The following CCDC91 variants were observed in gnomAD, a reference collection of about 807,000 sequenced individuals.
The protein encoded by CCDC91 is coiled-coil domain containing 91.
A neutral mutation model predicts 63.2 loss-of-function variants in CCDC91; 48 were observed. The ratio of observed to expected loss-of-function variants is 0.76; its 90% CI spans 0.60 to 0.97. CCDC91 has a LOEUF of 0.97. Among genes scored for constraint, CCDC91 ranks in the 50% least tolerant of loss-of-function variants. CCDC91 has a pLI of 0.00. For missense variants in CCDC91, 500 were observed against 494.6 expected (o/e 1.01, Z -0.10); for synonymous variants, 167 against 165.8 (o/e 1.01, Z -0.06).
intron 6 of CCDC91, among the ~76,000 whole-genome samples, chr12:28,320,163 G>A (rs1940336451): frequency 1.3e-5 from 2 of 151,726 alleles, no homozygotes; most frequent in Non-Finnish European, 2.9e-5. Context: ...CCTTTAACAT[G>A]GTCTTTTTAG....
At chr12:28,465,071 G>T (rs1000879454) in intron 11 of CCDC91, among the ~76,000 whole-genome samples, 1 of 152,178 alleles carries the variant, frequency 6.6e-6, no homozygotes, top group Non-Finnish European at 1.5e-5. Flanking sequence ...CTGTAGGTCT[G>T]CAGTACTTCA....
rs1389072148 is a variant in CCDC91, at chr12:28,293,150, G to A, written c.110-12499G>A. Among the ~76,000 whole-genome samples, 6 of 151,940 alleles carry A rather than the reference G, an allele frequency of 3.9e-5. No homozygotes were observed. The East Asian group carries it at 1.2e-3, about 29-fold the overall frequency. Reference sequence around the variant, plus strand: ...AAAGATTAACAGCAAGAGTGTCTTGGGCATATAGATAGAAAATAGAACAGA... The same window carrying A: ...AAAGATTAACAGCAAGAGTGTCTTGAGCATATAGATAGAAAATAGAACAGA... On this transcript the variant is annotated intron_variant, in intron 3 of 12. Transcript: ENST00000536442.
chr12:28,266,904 TAAAAC>T (rs564464730), intron 3 of CCDC91, among the ~76,000 whole-genome samples: 326 of 151,826 alleles, frequency 2.1e-3, no homozygotes, highest in African/African-American at 7.7e-3. Flanking sequence ...CCACTGGAAA[TAAAAC>T]AAAATTTAGA....
intron 8 of CCDC91, among the ~76,000 whole-genome samples, chr12:28,427,286 G>A (rs1353244337): frequency 1.3e-5 from 2 of 152,158 alleles, no homozygotes; most frequent in Non-Finnish European, 2.9e-5. Flanking sequence ...GACCCTAGAT[G>A]AGATAAGGTT....
At chr12:28,313,498 T>C (rs1331168096) in intron 6 of CCDC91, among the ~76,000 whole-genome samples, 1 of 152,094 alleles carries the variant, frequency 6.6e-6, no homozygotes, top group African/African-American at 2.4e-5. Flanking sequence ...GTTTTGGATG[T>C]ATCTGTCAGA....
At chr12:28,282,405 C>T (rs531951699) in intron 3 of CCDC91, among the ~76,000 whole-genome samples, 1 of 152,094 alleles carries the variant, frequency 6.6e-6, no homozygotes, top group African/African-American at 2.4e-5. Flanking sequence ...ATAATGGCCT[C>T]CAGTTCCATC....
intron 3 of CCDC91, among the ~76,000 whole-genome samples, chr12:28,272,027 T>A (rs557624021): frequency 6.6e-6 from 1 of 151,918 alleles, no homozygotes; most frequent in Admixed American, 6.6e-5. Context: ...TGACAGTTAT[T>A]TCTTTGGTCT....
intron 1 of CCDC91, chr12:28,255,567 T>TTTA (rs1946392684): frequency 6.6e-6 from 1 of 152,174 alleles, no homozygotes; most frequent in Admixed American, 6.5e-5. Flanking sequence ...GAAAGTCTGG[T>TTTA]TTATATTTTT....
chr12:28,438,785 A>G (rs1447704808), intron 8 of CCDC91, among the ~76,000 whole-genome samples: 1 of 152,168 alleles, frequency 6.6e-6, no homozygotes, highest in Non-Finnish European at 1.5e-5. Context: ...TATTTTTGAC[A>G]TAGAATGGAT....
At chr12:28,202,300 T>C (rs1942516067) in intron 1 of CCDC91, among the ~76,000 whole-genome samples, 1 of 152,212 alleles carries the variant, frequency 6.6e-6, no homozygotes, top group South Asian at 2.1e-4. Context: ...TTTCTCTCCA[T>C]GTATAGATCA....
At chr12:28,537,352 T>C (rs968314983) in intron 12 of CCDC91, among the ~76,000 whole-genome samples, 1 of 152,140 alleles carries the variant, frequency 6.6e-6, no homozygotes, top group Admixed American at 6.5e-5. Flanking sequence ...TAAGCTATTA[T>C]AGGAAATTCT....
chr12:28,317,052 T>C (rs1939965285), intron 6 of CCDC91, among the ~76,000 whole-genome samples: 1 of 152,000 alleles, frequency 6.6e-6, no homozygotes, highest in Non-Finnish European at 1.5e-5. Context: ...TCCAGTGAGT[T>C]TCTGTTAGCC....
intron 3 of CCDC91, among the ~76,000 whole-genome samples, chr12:28,278,329 A>G (rs1257453324): frequency 6.6e-6 from 1 of 151,742 alleles, no homozygotes; most frequent in Non-Finnish European, 1.5e-5. Flanking sequence ...AATTGTTTTT[A>G]GGGTTTTGTC....
At chr12:28,266,122 T>C (rs1310551443) in intron 3 of CCDC91, among the ~76,000 whole-genome samples, 1 of 152,068 alleles carries the variant, frequency 6.6e-6, no homozygotes. Context: ...CTGTGAATTA[T>C]TACTGTACAT....
chr12:28,210,864 A>G (rs1943186687), intron 1 of CCDC91, among the ~76,000 whole-genome samples: 1 of 151,976 alleles, frequency 6.6e-6, no homozygotes, highest in Admixed American at 6.6e-5. Flanking sequence ...GCAGAGACTG[A>G]GACAGTATTG....
intron 6 of CCDC91, among the ~76,000 whole-genome samples, chr12:28,310,062 A>G (rs905253651): frequency 6.6e-6 from 1 of 152,066 alleles, no homozygotes; most frequent in Non-Finnish European, 1.5e-5. Flanking sequence ...TGAATTGAAT[A>G]GATGAACTAA....
chr12:28,301,330 AT>A (rs1187723915), intron 3 of CCDC91, among the ~76,000 whole-genome samples: 2 of 151,336 alleles, frequency 1.3e-5, no homozygotes, highest in African/African-American at 2.4e-5. Flanking sequence ...TAATCATATA[AT>A]TTTTTTTAAA....
chr12:28,410,536 T>G (rs555484334), intron 8 of CCDC91, among the ~76,000 whole-genome samples: 16 of 152,118 alleles, frequency 1.1e-4, no homozygotes, highest in Non-Finnish European at 1.9e-4. Context: ...TTGTTTGTTT[T>G]TTTGAGACAG....
At chr12:28,273,769 A>C (rs1244555564) in intron 3 of CCDC91, among the ~76,000 whole-genome samples, 1 of 151,726 alleles carries the variant, frequency 6.6e-6, no homozygotes, top group East Asian at 1.9e-4. Context: ...GATTGCAAAA[A>C]TTTTCTCCCA....
Sources: allele counts gnomAD v4.1 joint callset (sites outside exome capture counted in the v4.1 genomes callset), GRCh38; gene constraint gnomAD v4.1.1; transcripts MANE v1.5; gene names NCBI Gene and HGNC (gene_info 2026-07-23, HGNC 2026-07-21).